SLC28A1: variants seen among roughly 807,000 people sequenced by gnomAD.
The protein encoded by SLC28A1 is solute carrier family 28 member 1, also known as sodium/nucleoside cotransporter 1.
A neutral mutation model predicts 74.8 loss-of-function variants in SLC28A1; 64 were observed. The ratio of observed to expected loss-of-function variants is 0.86; its 90% CI spans 0.70 to 1.05. SLC28A1 has a LOEUF of 1.05. SLC28A1 is among the 50% of genes least tolerant of loss of function. The pLI is 0.00. For missense variants in SLC28A1, 828 were observed against 822.8 expected (o/e 1.01, Z -0.08); for synonymous variants, 359 against 335.0 (o/e 1.07, Z -0.78).
rs370888454 is a variant in SLC28A1 at position 84,893,233 on chromosome 15, T to TAGGG, written c.278-1706_278-1703dup. ...GGGCATCACTGTAGACCCCACCTTG[T>TAGGG]AGGGGTCTTGTGAGGATTCATTGTG... On this transcript the variant is annotated intron_variant, in intron 5 of 18. Transcript: ENST00000394573. 6.4e-3 allele frequency among the ~76,000 whole-genome samples: 971 copies of TAGGG among 152,256 alleles called. 13 individuals carry two copies. Among genetic ancestry groups the TAGGG allele is most frequent in the African/African-American group, 0.022 (916 of 41,538 alleles).
chr15:84,919,662 T>G (rs1365995364), intron 10 of SLC28A1, among the ~76,000 whole-genome samples: 1 of 152,142 alleles, frequency 6.6e-6, no homozygotes, highest in Non-Finnish European at 1.5e-5. Context: ...AGGAGTTCAC[T>G]CCCATGATAA....
At chr15:84,891,240 T>G (rs1310799837) in intron 5 of SLC28A1, among the ~76,000 whole-genome samples, 1 of 152,032 alleles carries the variant, frequency 6.6e-6, no homozygotes. Flanking sequence ...TGTGTGAGAA[T>G]GAAGCTGTGG....
chr15:84,930,988 G>A (rs545673655), intron 12 of SLC28A1, among the ~76,000 whole-genome samples: 1 of 152,144 alleles, frequency 6.6e-6, no homozygotes, highest in East Asian at 2.0e-4. Flanking sequence ...GGCCAGACTG[G>A]TCTCGAACTC....
At chr15:84,886,314 A>T in intron 1 of SLC28A1, 1 of 985,350 alleles carries the variant, frequency 1.0e-6, no homozygotes, top group Non-Finnish European at 1.2e-6. Flanking sequence ...ATAGAGAAAG[A>T]TGCAAAATGA....
chr15:84,938,987 G>A (rs1432346881), intron 15 of SLC28A1, among the ~76,000 whole-genome samples: 3 of 152,200 alleles, frequency 2.0e-5, no homozygotes, highest in African/African-American at 7.2e-5. Flanking sequence ...CCAAGGAACA[G>A]TTGGAAATCA....
chr15:84,953,716 A>G, the SLC28A1 span, among the ~76,000 whole-genome samples: 1 of 152,226 alleles, frequency 6.6e-6, no homozygotes, highest in Non-Finnish European at 1.5e-5. Flanking sequence ...AGCAAGATGC[A>G]GTTTCAAAAA....
At chr15:84,957,862 G>T in the SLC28A1 span, among the ~76,000 whole-genome samples, 1 of 152,174 alleles carries the variant, frequency 6.6e-6, no homozygotes, top group East Asian at 1.9e-4. Context: ...AAACCCAGCT[G>T]AGATTTTGAT....
intron 9 of SLC28A1, among the ~76,000 whole-genome samples, chr15:84,914,207 C>G (rs1242721660): frequency 6.6e-6 from 1 of 152,174 alleles, no homozygotes; most frequent in Non-Finnish European, 1.5e-5. Flanking sequence ...GCCTCAGCCT[C>G]CCAAAATGCT....
At position 84,935,069 on chromosome 15, in the gene SLC28A1, A is replaced by G; in HGVS notation, c.1258A>G (p.Ile420Val). 2 of 1,614,152 alleles carry G rather than the reference A, an allele frequency of 1.2e-6. No individual in the cohort carries two copies. The highest frequency in any genetic ancestry group is 1.7e-6 in the Non-Finnish European group (2 of 1,179,970). The change falls in exon 14 of 19, where the codon ATC (isoleucine) becomes GTC (valine). Residue 420 changes from isoleucine (I) to valine (V), a missense_variant. Physicochemically the swap from Ile to Val is conservative, Grantham distance 29. Transcript: ENST00000394573. ...LIEAASTGAA[I>V]SVKVVANIAA... ...AGAAGCAGCCAGCACTGGGGCCGCCATCTCCGTGAAGGTGGTCGCCAACAT... is the reference window on the plus strand; with the variant it reads ...AGAAGCAGCCAGCACTGGGGCCGCCGTCTCCGTGAAGGTGGTCGCCAACAT...
At chr15:84,895,491 C>CG in intron 6 of SLC28A1, 2 of 1,600,972 alleles carry the variant, frequency 1.2e-6, no homozygotes, top group African/African-American at 1.3e-5. Context: ...TCAGCAGGCT[C>CG]GATCGGGGTC....
intron 7 of SLC28A1, among the ~76,000 whole-genome samples, chr15:84,905,272 T>C (rs1966912902): frequency 6.6e-6 from 1 of 152,178 alleles, no homozygotes; most frequent in Admixed American, 6.5e-5. Flanking sequence ...CGAAGTGCCA[T>C]GGCATGCCCA....
intron 5 of SLC28A1, among the ~76,000 whole-genome samples, chr15:84,893,178 G>A (rs1223624965): frequency 2.0e-5 from 3 of 151,922 alleles, no homozygotes; most frequent in Non-Finnish European, 2.9e-5. Flanking sequence ...CACTCATCTC[G>A]GCTGGCCTCA....
the SLC28A1 span, among the ~76,000 whole-genome samples, chr15:84,968,173 G>C: frequency 6.6e-6 from 1 of 152,166 alleles, no homozygotes; most frequent in Admixed American, 6.6e-5. Flanking sequence ...CTTGAAGAGA[G>C]GACTTGTTGT....
At chr15:84,965,065 T>G in the SLC28A1 span, among the ~76,000 whole-genome samples, 1 of 152,196 alleles carries the variant, frequency 6.6e-6, no homozygotes, top group African/African-American at 2.4e-5. Flanking sequence ...TCTTGAATTA[T>G]AGTTCCCATA....
chr15:84,929,450 G>C (rs1596330770), intron 12 of SLC28A1, among the ~76,000 whole-genome samples: 1 of 151,880 alleles, frequency 6.6e-6, no homozygotes, highest in South Asian at 2.1e-4. Context: ...AGTCTGAGGT[G>C]GGAGAATTGC....
rs772174865 is a variant in SLC28A1 at position 84,887,830 on chromosome 15, A to T, written c.70A>T (p.Met24Leu). 1.2e-6 allele frequency: 2 copies of T among 1,613,602 alleles called. No individual in the cohort carries two copies. Among genetic ancestry groups the T allele is most frequent in the East Asian group, 4.5e-5 (2 of 44,864 alleles). The change falls in exon 3 of 19, where the codon ATG becomes TTG. Residue 24 changes from methionine (M) to leucine (L), a missense_variant. Met to Leu is a conservative substitution (Grantham distance 15, BLOSUM62 2). This residue lies in a region of SLC28A1 where 767 missense variants were observed against 753.5 expected (regional missense o/e 1.02). Transcript: ENST00000394573. ...ACCTGTGGCCAAGGGTCTGGAGAAC[A>T]TGGGGGCTGATTTCTTGGAAAGCCT... is the stretch of plus-strand genomic sequence containing the variant. Reference protein sequence around the residue: ...LTPVAKGLENMGADFLESLEE... With the variant: ...LTPVAKGLENLGADFLESLEE...
In SLC28A1 at chr15:84,894,971, C is replaced by T. The variant is rs560161939; in HGVS notation, c.309C>T (p.Leu103=). 3.1e-6 allele frequency: 5 copies of T among 1,614,218 alleles called. No homozygotes were observed. The South Asian group carries it at 5.5e-5, about 18-fold the overall frequency. The change falls in exon 6 of 19, where the codon CTC becomes CTT. Residue 103 remains leucine, a synonymous_variant. Transcript: ENST00000394573. The part of the protein sequence containing the change: ...GLSAFLLVAC[L]LDFQRALALF... Reference sequence around the variant, plus strand: ...CTGCCTTCCTGCTGGTGGCCTGCCTCCTGGATTTCCAGAGGGCCCTGGCTC... The same window carrying T: ...CTGCCTTCCTGCTGGTGGCCTGCCTTCTGGATTTCCAGAGGGCCCTGGCTC...
At chr15:84,926,802 A>AGGGGGGGG (rs544419272) in intron 12 of SLC28A1, among the ~76,000 whole-genome samples, 10 of 108,102 alleles carry the variant, frequency 9.3e-5, no homozygotes, top group African/African-American at 2.6e-4. Flanking sequence ...GGGTGGGGGG[A>AGGGGGGGG]GGGGGGGGGT....
intron 8 of SLC28A1, among the ~76,000 whole-genome samples, chr15:84,907,186 T>C (rs1469102172): frequency 6.6e-6 from 1 of 152,234 alleles, no homozygotes; most frequent in African/African-American, 2.4e-5. Flanking sequence ...TTTTGACTTG[T>C]GATGTGGAAC....
Sources: allele counts gnomAD v4.1 joint callset (sites outside exome capture counted in the v4.1 genomes callset), GRCh38; gene constraint gnomAD v4.1.1; regional missense constraint gnomAD v4.1.1; transcripts MANE v1.5; gene names NCBI Gene and HGNC (gene_info 2026-07-23, HGNC 2026-07-21).